The following EFCAB5 variants were observed in gnomAD, a reference collection of about 807,000 sequenced individuals.
EFCAB5 encodes the protein EF-hand calcium-binding domain-containing protein 5.
A neutral mutation model predicts 167.9 loss-of-function variants in EFCAB5; 131 were observed. The observed-to-expected ratio is 0.78, with a 90% CI of 0.68 to 0.90. EFCAB5 has a LOEUF of 0.90. EFCAB5 is among the 40% of genes least tolerant of loss of function. The pLI is 0.00. For missense variants in EFCAB5, 1,663 were observed against 1,745.2 expected, an observed-to-expected ratio of 0.95 and a Z score of 0.84; for synonymous variants, 574 against 602.8, an observed-to-expected ratio of 0.95 and a Z score of 0.70.
rs2071176849 is a variant in EFCAB5 at position 30,090,588 on chromosome 17, TAC to T, written c.3853_3854del (p.Gln1285GlufsTer12). 15 of 1,613,932 alleles carry T rather than the reference TAC, an allele frequency of 9.3e-6. No individual in the cohort carries two copies. Among genetic ancestry groups the T allele is most frequent in the Non-Finnish European group, 1.2e-5 (14 of 1,179,878 alleles). On this transcript the variant is annotated frameshift_variant, in exon 20 of 23. Coordinates refer to ENST00000394835, the MANE Select transcript of EFCAB5 (RefSeq NM_198529.4). LOFTEE classifies it high-confidence loss of function. The stretch of plus-strand genomic sequence containing the variant: ...TTGTTGTGTCAAGAATATAAAGATC[TAC>T]AGAAAATGATGAAAGTGGTCCAAGT...
intron 2 of EFCAB5, among the ~76,000 whole-genome samples, chr17:29,943,193 T>C (rs892521190): frequency 1.3e-5 from 2 of 152,204 alleles, no homozygotes; most frequent in Non-Finnish European, 2.9e-5. Context: ...AAAGTGATTC[T>C]AGTAGTAAAA....
chr17:29,962,140 T>C (rs1387294834), intron 3 of EFCAB5, among the ~76,000 whole-genome samples: 1 of 152,192 alleles, frequency 6.6e-6, no homozygotes, highest in Non-Finnish European at 1.5e-5. Flanking sequence ...TTGTTCCTTT[T>C]GTTTTTTCAA....
chr17:30,056,608 G>A (rs2070275612), intron 12 of EFCAB5, among the ~76,000 whole-genome samples: 2 of 152,152 alleles, frequency 1.3e-5, no homozygotes, highest in African/African-American at 4.8e-5. Flanking sequence ...ACTCAACAGA[G>A]CAGAGTAGTT....
chr17:30,029,079 C>A (rs1256559854), intron 7 of EFCAB5, among the ~76,000 whole-genome samples: 1 of 152,076 alleles, frequency 6.6e-6, no homozygotes, highest in Non-Finnish European at 1.5e-5. Flanking sequence ...TTTAATTTGT[C>A]ATTTTTATTA....
In EFCAB5 at chr17:29,999,947, C is replaced by T; in HGVS notation, c.1015C>T (p.Pro339Ser). The T allele has an allele frequency of 6.3e-7, 1 of 1,582,238 alleles. No individual in the cohort carries two copies. Among genetic ancestry groups the T allele is most frequent in the South Asian group, 1.2e-5 (1 of 86,160 alleles). The change falls in exon 7 of 23, where the codon CCA (proline) becomes TCA (serine). Residue 339 changes from proline to serine, a missense_variant. Coordinates refer to ENST00000394835, the MANE Select transcript of EFCAB5 (RefSeq NM_198529.4). ...KQLDITDSTE[P>S]RLNKMEFTEY... is the part of the protein sequence containing the mutation. ...ACTGGATATTACTGACTCAACAGAACCAAGATTGAACAAAATGGAATTTAC... is the reference window on the plus strand; with the variant it reads ...ACTGGATATTACTGACTCAACAGAATCAAGATTGAACAAAATGGAATTTAC...
chr17:29,999,870 T>C lies in EFCAB5; in HGVS notation c.974-36T>C, dbSNP rs184227825. ...TAAATATCAAATATATATTACAACC[T>C]AACTAACTAGCAAATAATCTTCATT... On this transcript the variant is annotated intron_variant, in intron 6 of 22. Transcript: ENST00000394835. 2.7e-6 allele frequency: 4 copies of C among 1,466,828 alleles called. No individual in the cohort carries two copies. The East Asian group carries it at 7.3e-5, about 27-fold the overall frequency. The allele number at this position is 1,466,828 out of a possible 1,614,324, so 90.9% of individuals were successfully genotyped here.
chr17:30,068,948 G>A (rs2070653651), intron 14 of EFCAB5: 4 of 1,536,254 alleles, frequency 2.6e-6, no homozygotes, highest in Middle Eastern at 2.0e-4. Context: ...ATGAGGACCT[G>A]TTCAGAAGCA....
rs1239970854 is a variant in EFCAB5 at position 30,087,163 on chromosome 17, T to G, written c.3680T>G (p.Phe1227Cys). ...PPTIHRKSCI[F>C]RDFLFKCTDS... ...ACCATCCACAGGAAGTCATGCATCT[T>G]CAGGTTAGAGACATGTCTGTTTTGT... The change falls in exon 19 of 23, where the codon TTC becomes TGC. Residue 1227 changes from phenylalanine (F) to cysteine (C), a missense_variant. Coordinates refer to ENST00000394835, the MANE Select transcript of EFCAB5 (RefSeq NM_198529.4). 1 of 1,613,292 alleles carries G rather than the reference T, an allele frequency of 6.2e-7. No individual in the cohort carries two copies. Among genetic ancestry groups the G allele is most frequent in the African/African-American group, 1.3e-5 (1 of 74,910 alleles).
intron 14 of EFCAB5, among the ~76,000 whole-genome samples, chr17:30,067,910 A>T (rs1333980940): frequency 6.6e-6 from 1 of 152,258 alleles, no homozygotes; most frequent in Non-Finnish European, 1.5e-5. Flanking sequence ...CTGTTTGCAG[A>T]TGACATGATC....
intron 8 of EFCAB5, among the ~76,000 whole-genome samples, chr17:30,042,197 C>T (rs1027676178): frequency 2.0e-5 from 3 of 151,876 alleles, no homozygotes; most frequent in Admixed American, 6.6e-5. Flanking sequence ...TTAATAGAGA[C>T]GGGGTTTTGC....
At chr17:29,935,869 C>T (rs2067240841) in intron 1 of EFCAB5, among the ~76,000 whole-genome samples, 1 of 152,154 alleles carries the variant, frequency 6.6e-6, no homozygotes, top group African/African-American at 2.4e-5. Context: ...AGAGGAGGGG[C>T]TTCATGGCAC....
chr17:29,964,154 C>T (rs2067778392), intron 3 of EFCAB5, among the ~76,000 whole-genome samples: 1 of 152,014 alleles, frequency 6.6e-6, no homozygotes, highest in Non-Finnish European at 1.5e-5. Context: ...TTTATAGCGA[C>T]ACAAAATAAA....
At chr17:30,098,498 C>G (rs2071335563) in intron 22 of EFCAB5, among the ~76,000 whole-genome samples, 1 of 151,110 alleles carries the variant, frequency 6.6e-6, no homozygotes. Context: ...CACCACTACA[C>G]TCCAGCCTGG....
rs1024204356 is a variant in EFCAB5 at position 29,999,917 on chromosome 17, A to G, written c.985A>G (p.Lys329Glu). ...CATTCCATAAATAGGATCACACTGC[A>G]AACAACTGGATATTACTGACTCAAC... is the stretch of plus-strand genomic sequence containing the variant. ...NPDFKLGSHC[K>E]QLDITDSTEP... Residue 329 changes from lysine (K) to glutamate (E), a missense_variant, in exon 7 of 23, where the codon AAA (lysine) becomes GAA (glutamate). Lys to Glu is a moderately conservative substitution (Grantham distance 56). Coordinates refer to ENST00000394835, the MANE Select transcript of EFCAB5 (RefSeq NM_198529.4). The G allele has an allele frequency of 3.2e-6, 5 of 1,583,960 alleles. No individual in the cohort carries two copies. The highest frequency in any genetic ancestry group is 2.7e-5 in the African/African-American group (2 of 74,416).
chr17:30,010,195 C>T (rs998977526), intron 7 of EFCAB5, among the ~76,000 whole-genome samples: 1 of 152,100 alleles, frequency 6.6e-6, no homozygotes, highest in African/African-American at 2.4e-5. Context: ...TTTTCTTAAT[C>T]CAGTCTATCA....
At chr17:30,014,942 G>T (rs1230864750) in intron 7 of EFCAB5, among the ~76,000 whole-genome samples, 2 of 152,176 alleles carry the variant, frequency 1.3e-5, no homozygotes, top group Non-Finnish European at 1.5e-5. Context: ...GGTACTGGTT[G>T]TTCCTTTCCG....
At chr17:29,933,185 C>T (rs973880448) in intron 1 of EFCAB5, among the ~76,000 whole-genome samples, 2 of 152,160 alleles carry the variant, frequency 1.3e-5, no homozygotes, top group African/African-American at 4.8e-5. Context: ...TCTGTCACCT[C>T]GGCTAGGCGC....
At position 29,941,694 on chromosome 17, in the gene EFCAB5, T is replaced by C. The variant is rs1383462737; in HGVS notation, c.-103T>C. On this transcript the variant is annotated 5_prime_UTR_variant, in exon 1 of 23. Transcript: ENST00000394835. ...GGAGTGAGGGAGCTTTTTTAACTTC[T>C]GGAGTACTTTGTGATGTTTATTAAT... is the stretch of plus-strand genomic sequence containing the variant. 6 of 1,044,982 alleles carry C rather than the reference T, an allele frequency of 5.7e-6. No individual in the cohort carries two copies. The highest frequency in any genetic ancestry group is 8.4e-6 in the Non-Finnish European group (6 of 713,496). 64.7% of individuals were successfully genotyped at this position (1,044,982 alleles called of 1,614,324 possible).
At chr17:29,957,181 T>C (rs866519386) in intron 3 of EFCAB5, among the ~76,000 whole-genome samples, 3 of 152,176 alleles carry the variant, frequency 2.0e-5, no homozygotes, top group Non-Finnish European at 4.4e-5. Context: ...TTTCATCAAA[T>C]GCTTTTTTGG....
Sources: gnomAD v4.1 joint callset for allele counts (sites outside exome capture counted in the v4.1 genomes callset) on GRCh38, gnomAD v4.1.1 for gene constraint, MANE v1.5 for transcripts, NCBI Gene and HGNC (gene_info 2026-07-23, HGNC 2026-07-21) for gene names.